The following U2SURP variants were observed in gnomAD, a reference collection of about 807,000 sequenced individuals.
The protein encoded by U2SURP is U2 snRNP associated SURP domain containing.
A neutral mutation model predicts 144.9 loss-of-function variants in U2SURP; 9 were observed. The ratio of observed to expected loss-of-function variants is 0.06; its 90% CI spans 0.04 to 0.11. The LOEUF is 0.11. U2SURP is among the 10% of genes least tolerant of loss of function. The pLI is 1.00. For synonymous variants in U2SURP, 408 were observed against 396.8 expected (o/e 1.03, Z -0.33); for missense variants, 724 against 1,226.7 (o/e 0.59, Z 6.12).
intron 4 of U2SURP, among the ~76,000 whole-genome samples, chr3:143,015,903 C>T (rs558851718): frequency 8.3e-4 from 127 of 152,188 alleles, no homozygotes; most frequent in Admixed American, 1.3e-3. Context: ...TTTATATTCA[C>T]TGAATTAAAT....
chr3:143,039,026 A>G (rs574278769), intron 23 of U2SURP, 66 bp downstream of exon 23: 3 of 1,129,884 alleles, frequency 2.7e-6, no homozygotes, highest in Middle Eastern at 2.0e-4. Context: ...ATTAAGAGAT[A>G]TAGTTGAAAT....
In U2SURP at chr3:143,053,717, G is replaced by A; in HGVS notation, c.2697G>A (p.Lys899=). 1 of 1,595,724 alleles carries A rather than the reference G, an allele frequency of 6.3e-7. No individual in the cohort carries two copies. The highest frequency in any genetic ancestry group is 8.6e-7 in the Non-Finnish European group (1 of 1,167,402). ...KELERERERD[K]KDKEKLESRS... ...TAGAAAGAGAACGAGAAAGAGACAA[G>A]AAAGATAAAGAAAAATTGGAATCTC... is the stretch of plus-strand genomic sequence containing the variant. The change falls in exon 26 of 28, where the codon AAG becomes AAA. Residue 899 remains lysine (K), a synonymous_variant. Coordinates refer to ENST00000473835, the MANE Select transcript of U2SURP (RefSeq NM_001080415.2).
At chr3:143,021,801 G>A (rs907565204) in intron 10 of U2SURP, among the ~76,000 whole-genome samples, 2 of 152,144 alleles carry the variant, frequency 1.3e-5, no homozygotes, top group Non-Finnish European at 2.9e-5. Flanking sequence ...AAATCAGGGT[G>A]TGACCATTGA....
At chr3:143,049,317 G>A (rs1934721980) in intron 24 of U2SURP, among the ~76,000 whole-genome samples, 1 of 141,970 alleles carries the variant, frequency 7.0e-6, no homozygotes, top group South Asian at 2.3e-4. Context: ...CTTGGAATGG[G>A]GAGAAATGGT....
intron 1 of U2SURP, among the ~76,000 whole-genome samples, chr3:143,006,376 TTC>T (rs1320674885): frequency 6.6e-6 from 1 of 152,206 alleles, no homozygotes; most frequent in Non-Finnish European, 1.5e-5. Context: ...TAGGCACTTG[TTC>T]TGACAAGTCA....
At position 143,028,459 on chromosome 3, in the gene U2SURP, A is replaced by G. The variant is rs761752753; in HGVS notation, c.1447-24A>G. 3.2e-5 allele frequency: 52 copies of G among 1,604,070 alleles called. 2 individuals carry two copies. In the South Asian group the frequency reaches 5.5e-4, roughly 17 times the overall value. ...TTTGACTCTGAGTAATTAGACCTTT[A>G]TAATAACTCTAAATGTTTGTTAGGG... On this transcript the variant is annotated intron_variant, in intron 15 of 27. Transcript: ENST00000473835.
intron 24 of U2SURP, among the ~76,000 whole-genome samples, chr3:143,046,357 G>A (rs976612307): frequency 2.7e-5 from 3 of 113,134 alleles, no homozygotes; most frequent in Non-Finnish European, 5.3e-5. Context: ...ATTCTTGGGT[G>A]TTTCTCGCAG....
At chr3:143,032,167 G>A (rs563626013) in intron 16 of U2SURP, among the ~76,000 whole-genome samples, 2 of 152,014 alleles carry the variant, frequency 1.3e-5, no homozygotes, top group East Asian at 3.9e-4. Flanking sequence ...CTGCCTCCCA[G>A]GTTCAAGCAA....
chr3:143,018,717 A>G (rs1936498208), intron 6 of U2SURP, among the ~76,000 whole-genome samples: 1 of 152,116 alleles, frequency 6.6e-6, no homozygotes, highest in South Asian at 2.1e-4. Context: ...TCGTACACTA[A>G]CACTTTGAGA....
At chr3:143,009,600 G>GAA (rs537461702) in intron 1 of U2SURP, among the ~76,000 whole-genome samples, 1 of 140,844 alleles carries the variant, frequency 7.1e-6, no homozygotes, top group Non-Finnish European at 1.6e-5. Flanking sequence ...TCTGTCTCAA[G>GAA]AAAAAAAAAA....
At chr3:143,055,758 A>G (rs562667961) in intron 27 of U2SURP, among the ~76,000 whole-genome samples, 4 of 152,252 alleles carry the variant, frequency 2.6e-5, no homozygotes, top group African/African-American at 7.2e-5. Context: ...ATATGTATGT[A>G]TGTGTTATAT....
In U2SURP at chr3:143,032,940, T is replaced by C; in HGVS notation, c.1767T>C (p.Pro589=). The change falls in exon 17 of 28, where the codon CCT becomes CCC. Residue 589 remains proline (P), a synonymous_variant. Transcript: ENST00000473835. The part of the protein sequence containing the change: ...ESLSILKTPL[P]KKIARLYLVS... ...TGTCCATCTTAAAGACACCCCTTCC[T>C]AAAAAGGTATGGGAATGAATTTTAA... The C allele has an allele frequency of 6.2e-7, 1 of 1,610,552 alleles. No individual in the cohort carries two copies. The highest frequency in any genetic ancestry group is 2.2e-5 in the East Asian group (1 of 44,740).
chr3:143,036,466 A>G (rs1381246525), intron 20 of U2SURP, among the ~76,000 whole-genome samples: 1 of 152,226 alleles, frequency 6.6e-6, no homozygotes, highest in Non-Finnish European at 1.5e-5. Flanking sequence ...GATGCATCAC[A>G]TGATAGCAGA....
chr3:143,025,013 C>G (rs1325719975), intron 13 of U2SURP, among the ~76,000 whole-genome samples: 2 of 151,864 alleles, frequency 1.3e-5, no homozygotes, highest in Non-Finnish European at 2.9e-5. Flanking sequence ...GAAAAGTCAC[C>G]ATTTTTAAAA....
At chr3:143,020,961 G>C (rs532169395) in intron 8 of U2SURP, among the ~76,000 whole-genome samples, 1 of 152,276 alleles carries the variant, frequency 6.6e-6, no homozygotes, top group South Asian at 2.1e-4. Context: ...GGAGGCCGAG[G>C]CAAGTGGATT....
At position 143,053,807 on chromosome 3, in the gene U2SURP, T is replaced by G. The variant is rs1935009034; in HGVS notation, c.2774+13T>G. 6.4e-7 allele frequency: 1 copy of G among 1,564,778 alleles called. No homozygotes were observed. The highest frequency in any genetic ancestry group is 2.2e-5 in the East Asian group (1 of 44,510). On this transcript the variant is annotated intron_variant, in intron 26 of 27. Transcript: ENST00000473835. Reference sequence around the variant, plus strand: ...CAAGGAAGGAAAGGTATAACATTTCTCATATTTAATTGCATATACTGGTTT... The same window carrying G: ...CAAGGAAGGAAAGGTATAACATTTCGCATATTTAATTGCATATACTGGTTT...
At chr3:143,053,582 A>G (rs1171769377) in intron 25 of U2SURP, 94 bp from the exon 26 acceptor site, 3 of 945,222 alleles carry the variant, frequency 3.2e-6, no homozygotes, top group Non-Finnish European at 4.5e-6. Flanking sequence ...AATTTAAAAA[A>G]TTATTTCCTG....
chr3:143,040,652 A>T (rs1934053836), intron 23 of U2SURP, among the ~76,000 whole-genome samples: 1 of 151,850 alleles, frequency 6.6e-6, no homozygotes, highest in South Asian at 2.1e-4. Context: ...ATGTCTTTTT[A>T]AAAAAAGAAG....
chr3:143,056,557 G>A lies in U2SURP; in HGVS notation c.*107G>A, dbSNP rs1935162381. The A allele has an allele frequency of 3.5e-6, 5 of 1,415,666 alleles. No individual in the cohort carries two copies. Among genetic ancestry groups the A allele is most frequent in the Non-Finnish European group, 2.8e-6 (3 of 1,057,564 alleles). 87.7% of individuals were successfully genotyped at this position (1,415,666 alleles called of 1,614,324 possible). ...AATCAAATGAAAGAGCATTCCTGGG[G>A]TTTTTTGTTTGTTTGTGTATGCATG... On this transcript the variant is annotated 3_prime_UTR_variant, in exon 28 of 28. Coordinates refer to ENST00000473835, the MANE Select transcript of U2SURP (RefSeq NM_001080415.2).
Sources: gnomAD v4.1 joint callset for allele counts (sites outside exome capture counted in the v4.1 genomes callset) on GRCh38, gnomAD v4.1.1 for gene constraint, MANE v1.5 for transcripts, NCBI Gene and HGNC (gene_info 2026-07-23, HGNC 2026-07-21) for gene names.